The following PSD3 variants were observed in gnomAD, a reference collection of about 807,000 sequenced individuals.
The protein encoded by PSD3 is PH and SEC7 domain-containing protein 3.
In PSD3, 49 loss-of-function variants were observed where a neutral mutation model predicts 105.5. That is an observed-to-expected ratio of 0.46 (90% CI 0.37 to 0.59). PSD3 has a LOEUF of 0.59. Ranked by LOEUF, PSD3 falls within the 20% of genes least tolerant of loss-of-function variation. The pLI, the probability that PSD3 is intolerant of heterozygous loss-of-function variation, is 0.00. For synonymous variants in PSD3, 557 were observed against 457.8 expected, an observed-to-expected ratio of 1.22 and a Z score of -2.77; for missense variants, 1,561 against 1,263.8, an observed-to-expected ratio of 1.24 and a Z score of -3.57.
intron 11 of PSD3, among the ~76,000 whole-genome samples, chr8:18,603,867 G>C (rs1804616887): frequency 1.3e-5 from 2 of 152,152 alleles, no homozygotes; most frequent in African/African-American, 4.8e-5. Flanking sequence ...ATGACTGTAA[G>C]TTTCCTGAGG....
chr8:19,034,208 A>G (rs1412512627), intron 1 of PSD3, among the ~76,000 whole-genome samples: 2 of 152,314 alleles, frequency 1.3e-5, no homozygotes, highest in East Asian at 3.9e-4. Context: ...CTACAAGAGA[A>G]AAGTTTGCTC....
chr8:18,821,872 C>CCACACACACACACACACACA (rs5889830), intron 4 of PSD3, among the ~76,000 whole-genome samples: 2 of 137,408 alleles, frequency 1.5e-5, no homozygotes, highest in Admixed American at 7.2e-5. Flanking sequence ...TGCACACACA[C>CCACACACACACACACACACA]CACACACACA....
chr8:18,814,721 G>A (rs1251702818), intron 4 of PSD3, among the ~76,000 whole-genome samples: 1 of 152,208 alleles, frequency 6.6e-6, no homozygotes, highest in Non-Finnish European at 1.5e-5. Context: ...TTTGGGCAAG[G>A]TAGGATCAGT....
intron 15 of PSD3, among the ~76,000 whole-genome samples, chr8:18,538,925 G>A (rs1799988350): frequency 6.6e-6 from 1 of 152,134 alleles, no homozygotes; most frequent in Admixed American, 6.6e-5. Context: ...GGGGGTGAGA[G>A]GGGCCAGAAA....
chr8:18,762,958 T>C, intron 9 of PSD3: 2 of 1,282,010 alleles, frequency 1.6e-6, no homozygotes, highest in Non-Finnish European at 2.0e-6. Flanking sequence ...CCAATATTTC[T>C]CAGTAGTCTG....
chr8:18,618,185 G>A (rs148106168), intron 11 of PSD3, among the ~76,000 whole-genome samples: 1 of 151,788 alleles, frequency 6.6e-6, no homozygotes, highest in South Asian at 2.1e-4. Flanking sequence ...TTGACAATCA[G>A]GAAATCTTTC....
At chr8:18,667,229 G>T (rs1226909451) in intron 9 of PSD3, among the ~76,000 whole-genome samples, 1 of 152,140 alleles carries the variant, frequency 6.6e-6, no homozygotes, top group East Asian at 1.9e-4. Context: ...GTTTTACAGA[G>T]AACTGATTGG....
rs576895387 is a variant in PSD3, at chr8:18,632,104, C to G, written c.2410+509G>C. Among the ~76,000 whole-genome samples, 42 of 152,146 alleles carry G rather than the reference C, an allele frequency of 2.8e-4. No individual in the cohort carries two copies. In the South Asian group the frequency reaches 8.7e-3, roughly 32 times the overall value. The stretch of plus-strand genomic sequence containing the variant: ...ATTTCCCAAAACTAATTATACTATG[C>G]TCTCCTACATCTCACCTGTCCACCT... On this transcript the variant is annotated intron_variant, in intron 11 of 15. Transcript: ENST00000327040.
chr8:18,868,243 T>C (rs956301951), intron 3 of PSD3, among the ~76,000 whole-genome samples, 174 bp from the exon 4 acceptor site: 2 of 152,208 alleles, frequency 1.3e-5, no homozygotes, highest in Non-Finnish European at 2.9e-5. Context: ...GAAAAATTCT[T>C]GGCATGCATG....
Position 18,626,895 on chromosome 8 carries a change from G to A in PSD3, c.2410+5718C>T, listed in dbSNP as rs184584821. Reference sequence around the variant, plus strand: ...CTAAACTGTTTGCTTTTACTTGAATGCTTAGAATTCCTTATTAATTTCATA... The same window carrying A: ...CTAAACTGTTTGCTTTTACTTGAATACTTAGAATTCCTTATTAATTTCATA... On this transcript the variant is annotated intron_variant, in intron 11 of 15. Coordinates refer to ENST00000327040, the MANE Select transcript of PSD3 (RefSeq NM_015310.4). 2.6e-5 allele frequency among the ~76,000 whole-genome samples: 4 copies of A among 152,226 alleles called. No homozygotes were observed. In the East Asian group the frequency reaches 7.7e-4, roughly 29 times the overall value.
intron 8 of PSD3, among the ~76,000 whole-genome samples, chr8:18,792,275 T>C (rs335255): frequency 0.059 from 8,913 of 152,254 alleles, 304 homozygotes; most frequent in Middle Eastern, 0.085. Flanking sequence ...CATATGTTAA[T>C]TGCAGCACTA....
At chr8:18,961,067 G>A (rs116082491) in intron 1 of PSD3, among the ~76,000 whole-genome samples, 2,193 of 152,160 alleles carry the variant, frequency 0.014, 68 homozygotes, top group African/African-American at 0.05. Flanking sequence ...CCTCCAGCCT[G>A]GGTGACAGAG....
chr8:18,758,001 C>T (rs1290928484), intron 9 of PSD3, among the ~76,000 whole-genome samples: 2 of 151,754 alleles, frequency 1.3e-5, no homozygotes, highest in East Asian at 1.9e-4. Context: ...TTAGAGTGGA[C>T]TTGTCCATTA....
At chr8:18,594,529 C>T (rs1347202790) in intron 12 of PSD3, among the ~76,000 whole-genome samples, 1 of 144,706 alleles carries the variant, frequency 6.9e-6, no homozygotes, top group African/African-American at 2.6e-5. Flanking sequence ...TTCATCACTG[C>T]TGGACTTGCC....
intron 1 of PSD3, among the ~76,000 whole-genome samples, chr8:19,048,940 CT>C (rs1234931803): frequency 6.6e-6 from 1 of 152,156 alleles, no homozygotes; most frequent in African/African-American, 2.4e-5. Context: ...AGCCTCTCTC[CT>C]TTGCTTGCTG....
chr8:18,815,240 G>A (rs1812116257), intron 4 of PSD3, among the ~76,000 whole-genome samples: 1 of 152,030 alleles, frequency 6.6e-6, no homozygotes, highest in African/African-American at 2.4e-5. Context: ...TATTTTCTAT[G>A]GTTATATAAT....
chr8:18,793,306 G>GA, intron 8 of PSD3, among the ~76,000 whole-genome samples: 1 of 139,240 alleles, frequency 7.2e-6, no homozygotes, highest in Middle Eastern at 4.2e-3. Context: ...ATGTACCCTA[G>GA]AACTTAAAGT....
chr8:18,895,459 T>C (rs1462222445), intron 2 of PSD3, among the ~76,000 whole-genome samples: 1 of 152,216 alleles, frequency 6.6e-6, no homozygotes, highest in African/African-American at 2.4e-5. Context: ...CGCATTTATA[T>C]TCCTATCAGC....
chr8:19,046,994 C>A (rs1828342007), intron 1 of PSD3, among the ~76,000 whole-genome samples: 1 of 152,234 alleles, frequency 6.6e-6, no homozygotes, highest in Admixed American at 6.5e-5. Flanking sequence ...TTAGGGCTGG[C>A]AGCCCTGGGA....
Sources: gnomAD v4.1 joint callset for allele counts (sites outside exome capture counted in the v4.1 genomes callset) on GRCh38, gnomAD v4.1.1 for gene constraint, MANE v1.5 for transcripts, NCBI Gene and HGNC (gene_info 2026-07-23, HGNC 2026-07-21) for gene names.